Variants in RNMT observed in about 807,000 individuals in gnomAD.
The protein encoded by RNMT is mRNA cap guanine-N(7) methyltransferase.
A neutral mutation model predicts 56.0 loss-of-function variants in RNMT; 27 were observed. That is an observed-to-expected ratio of 0.48 (90% confidence interval 0.36 to 0.67). RNMT has a LOEUF of 0.67. Ranked by LOEUF, RNMT falls within the 30% of genes least tolerant of loss-of-function variation. The probability of loss-of-function intolerance (pLI) is 0.00; values close to 1 mark genes in which losing one functional copy is unlikely to be tolerated. For synonymous variants in RNMT, 184 were observed against 176.2 expected (o/e 1.04, Z -0.35); for missense variants, 519 against 552.1 (o/e 0.94, Z 0.60).
chr18:13,742,471 G>A lies in RNMT; in HGVS notation c.975-17G>A. ...AATTTTAATCTTTTTATTTTGGTTG[G>A]GGGATAACCTTGATAGAAGACGCCT... On this transcript the variant is annotated splice_polypyrimidine_tract_variant and intron_variant, in intron 7 of 11. Transcript: ENST00000383314. 4 of 1,609,166 alleles carry A rather than the reference G, an allele frequency of 2.5e-6. No homozygotes were observed. Among genetic ancestry groups the A allele is most frequent in the Non-Finnish European group, 3.4e-6 (4 of 1,177,828 alleles).
intron 6 of RNMT, among the ~76,000 whole-genome samples, chr18:13,741,270 T>G (rs1463281003): frequency 6.6e-6 from 1 of 152,248 alleles, no homozygotes; most frequent in Non-Finnish European, 1.5e-5. Context: ...AATGTCATAA[T>G]TGACTAATAT....
intron 1 of RNMT, among the ~76,000 whole-genome samples, chr18:13,728,056 A>G (rs914271261): frequency 1.3e-5 from 2 of 152,188 alleles, no homozygotes; most frequent in Non-Finnish European, 2.9e-5. Context: ...GATATTTCTT[A>G]GATATACTGA....
rs201093998 is a variant in RNMT at position 13,744,159 on chromosome 18, CTTTTTTTTTTTTTTT to C, written c.1139+1519_1139+1533del. 1.2e-3 allele frequency among the ~76,000 whole-genome samples: 111 copies of C among 91,374 alleles called. 1 individual carries two copies. Among genetic ancestry groups the C allele is most frequent in the Middle Eastern group, 6.3e-3 (1 of 158 alleles). The allele number at this position is 91,374 out of a possible 152,430, so 59.9% of individuals were successfully genotyped here. A position where few individuals can be genotyped will look rare whatever the true frequency, so the allele number is the denominator to read the frequency against. ...ATGCTAAACAAGACCTAGCGGTCTT[CTTTTTTTTTTTTTTT>C]TTTTTTTTTTTGACTTAAATTGCCT... On this transcript the variant is annotated intron_variant, in intron 8 of 11. Coordinates refer to ENST00000383314, the MANE Select transcript of RNMT (RefSeq NM_003799.3).
rs991835042 is a variant in RNMT at position 13,740,259 on chromosome 18, A to G, written c.772A>G (p.Ile258Val). Residue 258 changes from isoleucine to valine, a missense_variant, in exon 6 of 12, where the codon ATA (isoleucine) becomes GTA (valine). By Grantham distance (29) the Ile-to-Val change is conservative (BLOSUM62 3). Transcript: ENST00000383314. ...TGAATATATTTTCAGTGCAGAATTT[A>G]TAACTGCTGACAGCTCAAAGGTACA... is the stretch of plus-strand genomic sequence containing the variant. The part of the protein sequence containing the change: ...DSEYIFSAEF[I>V]TADSSKELLI... 2 of 1,577,560 alleles carry G rather than the reference A, an allele frequency of 1.3e-6. No individual in the cohort carries two copies. The highest frequency in any genetic ancestry group is 8.7e-7 in the Non-Finnish European group (1 of 1,146,938).
intron 3 of RNMT, among the ~76,000 whole-genome samples, chr18:13,733,691 A>C (rs565335907): frequency 6.6e-6 from 1 of 152,190 alleles, no homozygotes; most frequent in Non-Finnish European, 1.5e-5. Flanking sequence ...ATCTCTTTAT[A>C]TACATTATCT....
At position 13,762,036 on chromosome 18, in the gene RNMT, C is replaced by A; in HGVS notation, c.*2057C>A. On this transcript the variant is annotated 3_prime_UTR_variant, in exon 12 of 12. Transcript: ENST00000383314. ...TCGTCTAAATGTTCGGTATTCTATT[C>A]AGGACTTACGGTAACTATTATGAGG... 1 of 1,536,044 alleles carries A rather than the reference C, an allele frequency of 6.5e-7. No individual in the cohort carries two copies. Among genetic ancestry groups the A allele is most frequent in the Non-Finnish European group, 8.7e-7 (1 of 1,146,856 alleles).
intron 11 of RNMT, among the ~76,000 whole-genome samples, chr18:13,757,120 G>A (rs2044556316): frequency 6.6e-6 from 1 of 152,002 alleles, no homozygotes; most frequent in South Asian, 2.1e-4. Context: ...TGAAAACCAT[G>A]TACATACCTT....
chr18:13,752,094 A>G (rs1047797058), intron 9 of RNMT, among the ~76,000 whole-genome samples: 1 of 152,180 alleles, frequency 6.6e-6, no homozygotes, highest in Non-Finnish European at 1.5e-5. Flanking sequence ...CGATTTGCAC[A>G]TGTACCCTGG....
At chr18:13,744,430 T>C (rs1050361360) in intron 8 of RNMT, among the ~76,000 whole-genome samples, 3 of 152,070 alleles carry the variant, frequency 2.0e-5, no homozygotes, top group Non-Finnish European at 4.4e-5. Flanking sequence ...TTGGTTTCAT[T>C]TCTAAAGGGT....
intron 5 of RNMT, 103 bp downstream of exon 5, chr18:13,737,238 TG>T (rs1325010466): frequency 9.3e-7 from 1 of 1,072,506 alleles, no homozygotes; most frequent in African/African-American, 1.6e-5. Context: ...ATGCATGAGA[TG>T]GGTTTTTTTT....
chr18:13,757,771 C>G (rs2044567817), intron 11 of RNMT, among the ~76,000 whole-genome samples: 1 of 152,202 alleles, frequency 6.6e-6, no homozygotes, highest in African/African-American at 2.4e-5. Context: ...TTAATGATAT[C>G]TAGAATGGGG....
At chr18:13,738,008 AAT>A (rs1568502091) in intron 5 of RNMT, among the ~76,000 whole-genome samples, 1 of 151,942 alleles carries the variant, frequency 6.6e-6, no homozygotes, top group East Asian at 1.9e-4. Flanking sequence ...GCAATGAATC[AAT>A]CAATCAATCA....
rs1160799927 is a variant in RNMT, at chr18:13,761,494, A to G, written c.*1515A>G. 2.0e-6 allele frequency: 2 copies of G among 987,186 alleles called. No homozygotes were observed. Among genetic ancestry groups the G allele is most frequent in the African/African-American group, 1.7e-5 (1 of 57,240 alleles). 61.2% of individuals were successfully genotyped at this position (987,186 alleles called of 1,614,324 possible). A position where few individuals can be genotyped will look rare whatever the true frequency, so the allele number is the denominator to read the frequency against. On this transcript the variant is annotated 3_prime_UTR_variant, in exon 12 of 12. Transcript: ENST00000383314. ...CATCATCATTATTTCCTCTGTTCAC[A>G]TTTACTGGTCTTAATTAACAGGTAA...
At position 13,763,717 on chromosome 18, in the gene RNMT, G is replaced by A. The variant is rs570715094; in HGVS notation, c.*3738G>A. 2 of 152,596 alleles carry A rather than the reference G, an allele frequency of 1.3e-5. No individual in the cohort carries two copies. Among genetic ancestry groups the A allele is most frequent in the Admixed American group, 1.3e-4 (2 of 15,318 alleles). The allele number at this position is 152,596 out of a possible 1,614,324, so 9.5% of individuals were successfully genotyped here. Reference sequence around the variant, plus strand: ...AGGATACAGACTTGCCCAAAGGAGAGCCAGGATTTTCACACCCCCTCCTCA... The same window carrying A: ...AGGATACAGACTTGCCCAAAGGAGAACCAGGATTTTCACACCCCCTCCTCA... On this transcript the variant is annotated 3_prime_UTR_variant, in exon 12 of 12. Transcript: ENST00000383314.
rs55940639 is a variant in RNMT at position 13,743,322 on chromosome 18, CAAAAAAA to C, written c.1139+674_1139+680del. On this transcript the variant is annotated intron_variant, in intron 8 of 11. Transcript: ENST00000383314. Reference sequence around the variant, plus strand: ...TGGGCGACAGAGCGAAACTCCGTCTCAAAAAAAAAATAAATAAATAAATAAATAAATA... The same window carrying C: ...TGGGCGACAGAGCGAAACTCCGTCTCAAATAAATAAATAAATAAATAAATA... Among the ~76,000 whole-genome samples the C allele has an allele frequency of 5.4e-3, 151 of 28,206 alleles. 5 individuals carry two copies. Among genetic ancestry groups the C allele is most frequent in the African/African-American group, 0.019 (140 of 7,316 alleles). 18.5% of individuals were successfully genotyped at this position (28,206 alleles called of 152,430 possible). A position where few individuals can be genotyped will look rare whatever the true frequency, so the allele number is the denominator to read the frequency against.
chr18:13,761,865 G>GCCC lies in RNMT; in HGVS notation c.*1888_*1890dup. 1 of 628,476 alleles carries GCCC rather than the reference G, an allele frequency of 1.6e-6. No individual in the cohort carries two copies. The highest frequency in any genetic ancestry group is 1.1e-4 in the Admixed American group (1 of 9,010). The allele number at this position is 628,476 out of a possible 1,614,324, so 38.9% of individuals were successfully genotyped here. ...TACACCCCCCTCCCCCCGGCCCCAAGCCCCTGTGTCTCCTTGTTACAATTA... is the reference window on the plus strand; with the variant it reads ...TACACCCCCCTCCCCCCGGCCCCAAGCCCCCCCTGTGTCTCCTTGTTACAATTA... On this transcript the variant is annotated 3_prime_UTR_variant, in exon 12 of 12. Transcript: ENST00000383314.
chr18:13,760,533 T>C lies in RNMT; in HGVS notation c.*554T>C, dbSNP rs1225840519. On this transcript the variant is annotated 3_prime_UTR_variant, in exon 12 of 12. Coordinates refer to ENST00000383314, the MANE Select transcript of RNMT (RefSeq NM_003799.3). ...ACTTAGCTAAAATTTTAGCAATTTA[T>C]TGCATTTTGAAATAATCATTAACAT... 3.0e-5 allele frequency: 30 copies of C among 985,692 alleles called. No individual in the cohort carries two copies. Among genetic ancestry groups the C allele is most frequent in the Non-Finnish European group, 3.5e-5 (29 of 829,868 alleles). 61.1% of individuals were successfully genotyped at this position (985,692 alleles called of 1,614,324 possible).
In RNMT at chr18:13,746,071, T is replaced by C. The variant is rs1301421667; in HGVS notation, c.1140-149T>C. On this transcript the variant is annotated intron_variant, in intron 8 of 11. Coordinates refer to ENST00000383314, the MANE Select transcript of RNMT (RefSeq NM_003799.3). ...TCTTTTAGGTGTGATATGTTACTCT[T>C]GATTCATTTTGTATTACTGTATTGT... 1.6e-5 allele frequency: 9 copies of C among 559,570 alleles called. No homozygotes were observed. The Admixed American group carries it at 3.0e-4, about 19-fold the overall frequency. 34.7% of individuals were successfully genotyped at this position (559,570 alleles called of 1,614,324 possible). A position where few individuals can be genotyped will look rare whatever the true frequency, so the allele number is the denominator to read the frequency against.
chr18:13,740,326 G>T, intron 6 of RNMT, 47 bp downstream of exon 6: 1 of 1,022,998 alleles, frequency 9.8e-7, no homozygotes, highest in South Asian at 1.5e-5. Flanking sequence ...TTTTTAGTTT[G>T]GGTAAATAAT....
Sources: allele counts gnomAD v4.1 joint callset (sites outside exome capture counted in the v4.1 genomes callset), GRCh38; gene constraint gnomAD v4.1.1; transcripts MANE v1.5; gene names NCBI Gene and HGNC (gene_info 2026-07-23, HGNC 2026-07-21).